PLCG2: variants seen among roughly 807,000 people sequenced by gnomAD.
PLCG2 encodes phospholipase C gamma 2, also known as 1-phosphatidylinositol 4,5-bisphosphate phosphodiesterase gamma-2.
PLCG2 carries 69 observed loss-of-function variants against 175.6 expected under a neutral mutation model. That is an observed-to-expected ratio of 0.39 (90% CI 0.32 to 0.48). The LOEUF (loss-of-function observed/expected upper bound fraction) is 0.48, where lower values mean the gene tolerates loss of function less well. Among genes scored for constraint, PLCG2 ranks in the 20% least tolerant of loss-of-function variants. The pLI, the probability that PLCG2 is intolerant of heterozygous loss-of-function variation, is 0.91. For synonymous variants in PLCG2, 827 were observed against 624.0 expected (o/e 1.33, Z -4.85); for missense variants, 1,798 against 1,650.9 (o/e 1.09, Z -1.54).
intron 2 of PLCG2, among the ~76,000 whole-genome samples, chr16:81,794,834 G>T (rs1233561358): frequency 6.6e-6 from 1 of 152,186 alleles, no homozygotes; most frequent in Non-Finnish European, 1.5e-5. Flanking sequence ...TTTATATGAG[G>T]ATTTTCCTTC....
chr16:81,919,756 A>G, intron 20 of PLCG2, 92 bp downstream of exon 20: 1 of 1,089,454 alleles, frequency 9.2e-7, no homozygotes. Flanking sequence ...CTGAGTATTC[A>G]CCATGTATCT....
intron 14 of PLCG2, 68 bp from the exon 15 acceptor site, chr16:81,905,335 G>C (rs183065837): frequency 2.9e-6 from 3 of 1,051,574 alleles, no homozygotes; most frequent in Non-Finnish European, 4.4e-6. Context: ...GGCAGATGAA[G>C]GCTGCTGGCT....
chr16:81,888,402 A>G (rs1040484259), intron 9 of PLCG2, among the ~76,000 whole-genome samples: 25 of 151,786 alleles, frequency 1.6e-4, no homozygotes, highest in Non-Finnish European at 3.7e-4. Flanking sequence ...AAATGTTTGT[A>G]TTTTAGTAGA....
chr16:81,858,573 A>G (rs1272493368), intron 4 of PLCG2, among the ~76,000 whole-genome samples: 1 of 152,114 alleles, frequency 6.6e-6, no homozygotes, highest in African/African-American at 2.4e-5. Context: ...GCGTTGGCCT[A>G]TTGGAGTGAG....
At chr16:81,872,939 C>G (rs1049751733) in intron 7 of PLCG2, among the ~76,000 whole-genome samples, 3 of 152,226 alleles carry the variant, frequency 2.0e-5, no homozygotes, top group African/African-American at 7.2e-5. Context: ...GTGAGGCCAC[C>G]TGATGGGTGA....
chr16:81,928,894 C>T (rs1567537185), intron 24 of PLCG2: 2 of 405,584 alleles, frequency 4.9e-6, no homozygotes, highest in African/African-American at 3.9e-5. Flanking sequence ...CAGCGTCACT[C>T]TTATTATTTC....
intron 19 of PLCG2, among the ~76,000 whole-genome samples, chr16:81,914,134 C>T (rs528674140): frequency 3.2e-4 from 48 of 152,340 alleles, no homozygotes; most frequent in African/African-American, 8.9e-4. Context: ...TGCTGTGTGC[C>T]AGGCCCCAGG....
chr16:81,849,629 G>C (rs1043422527), intron 2 of PLCG2, among the ~76,000 whole-genome samples: 3 of 151,994 alleles, frequency 2.0e-5, no homozygotes, highest in Non-Finnish European at 2.9e-5. Flanking sequence ...AAATTTTCCA[G>C]GTCTGGTGGC....
intron 21 of PLCG2, 39 bp downstream of exon 21, chr16:81,921,308 C>G (rs372066383): frequency 7.5e-7 from 1 of 1,334,240 alleles, no homozygotes; most frequent in Non-Finnish European, 1.1e-6. Flanking sequence ...ATTTTGGAGT[C>G]ACGAGGCTGA....
chr16:81,883,430 G>A, intron 9 of PLCG2, 89 bp downstream of exon 9: 6 of 1,064,392 alleles, frequency 5.6e-6, no homozygotes, highest in South Asian at 1.3e-5. Flanking sequence ...GTGCTCACCT[G>A]GTCACCTGTG....
intron 5 of PLCG2, among the ~76,000 whole-genome samples, chr16:81,865,564 G>C (rs1303253222): frequency 6.6e-6 from 1 of 152,194 alleles, no homozygotes; most frequent in African/African-American, 2.4e-5. Context: ...TTCTTGAGCA[G>C]CTGCTCTGGC....
At chr16:81,811,910 G>A (rs13338981) in intron 2 of PLCG2, among the ~76,000 whole-genome samples, 232 of 152,198 alleles carry the variant, frequency 1.5e-3, no homozygotes, top group African/African-American at 5.5e-3. Context: ...GGATCAAATG[G>A]TATTTCTGGT....
intron 19 of PLCG2, among the ~76,000 whole-genome samples, chr16:81,914,246 C>T (rs373840911): frequency 1.3e-5 from 2 of 152,234 alleles, no homozygotes; most frequent in African/African-American, 4.8e-5. Flanking sequence ...ACAGCTCTGA[C>T]ACAACCGGAT....
At position 81,960,646 on chromosome 16, in the gene PLCG2, C is replaced by G. The variant is rs1194654505; in HGVS notation, c.*2648C>G. The G allele has an allele frequency of 1.3e-5, 3 of 230,666 alleles. No homozygotes were observed. Among genetic ancestry groups the G allele is most frequent in the Non-Finnish European group, 2.6e-5 (3 of 116,496 alleles). The allele number at this position is 230,666 out of a possible 1,614,324, so 14.3% of individuals were successfully genotyped here. On this transcript the variant is annotated 3_prime_UTR_variant, in exon 33 of 33. Coordinates refer to ENST00000564138, the MANE Select transcript of PLCG2 (RefSeq NM_002661.5). ...CTCAGAATCTTTTTGCCAGAAGTGT[C>G]TCATGGGACTTATCTATAGTGGAAC...
chr16:81,913,704 C>T (rs989197933), intron 19 of PLCG2, among the ~76,000 whole-genome samples: 5 of 152,228 alleles, frequency 3.3e-5, no homozygotes, highest in African/African-American at 7.2e-5. Flanking sequence ...TCCACATGGG[C>T]GCGGTGGTGC....
chr16:81,750,900 C>G (rs902205429), intron 1 of PLCG2, among the ~76,000 whole-genome samples: 1 of 150,194 alleles, frequency 6.7e-6, no homozygotes, highest in African/African-American at 2.4e-5. Context: ...GTCTCGATCT[C>G]CTGACCTCAA....
intron 2 of PLCG2, among the ~76,000 whole-genome samples, chr16:81,771,551 C>T (rs1290375642): frequency 1.3e-5 from 2 of 152,038 alleles, no homozygotes; most frequent in Non-Finnish European, 2.9e-5. Context: ...CTGATTTGTC[C>T]CTCTAATTCA....
At chr16:81,839,457 A>T (rs1905704540) in intron 2 of PLCG2, among the ~76,000 whole-genome samples, 1 of 152,182 alleles carries the variant, frequency 6.6e-6, no homozygotes, top group Non-Finnish European at 1.5e-5. Flanking sequence ...CTATTAAAAT[A>T]TTAATAGGCT....
chr16:81,816,651 ATTTT>A (rs71146047), intron 2 of PLCG2, among the ~76,000 whole-genome samples: 6 of 108,878 alleles, frequency 5.5e-5, no homozygotes, highest in South Asian at 3.1e-4. Flanking sequence ...GCTAATTTTA[ATTTT>A]TTTTTTTTTT....
Sources: allele counts gnomAD v4.1 joint callset (sites outside exome capture counted in the v4.1 genomes callset), GRCh38; gene constraint gnomAD v4.1.1; transcripts MANE v1.5; gene names NCBI Gene and HGNC (gene_info 2026-07-23, HGNC 2026-07-21).